The following HTR4 variants were observed in gnomAD, a reference collection of about 807,000 sequenced individuals.
The protein encoded by HTR4 is 5-hydroxytryptamine receptor 4, also known as 5-hydroxytryptamine (serotonin) receptor 4, G protein-coupled.
Under a neutral mutation model 36.8 loss-of-function variants are expected in HTR4, and 16 were observed. The observed-to-expected ratio is 0.43, with a 90% CI of 0.29 to 0.66. The LOEUF is 0.66. Among genes scored for constraint, HTR4 ranks in the 30% least tolerant of loss-of-function variants. The pLI is 0.13. For synonymous variants in HTR4, 189 were observed against 185.1 expected (o/e 1.02, Z -0.17); for missense variants, 438 against 490.9 (o/e 0.89, Z 1.02).
chr5:148,518,695 C>T (rs961343819), intron 5 of HTR4, among the ~76,000 whole-genome samples: 3 of 152,210 alleles, frequency 2.0e-5, no homozygotes, highest in African/African-American at 7.2e-5. Context: ...ACTTTTCTTA[C>T]CAATTTCCTC....
At chr5:148,483,735 C>T (rs943027714) in intron 6 of HTR4, among the ~76,000 whole-genome samples, 7 of 152,152 alleles carry the variant, frequency 4.6e-5, no homozygotes, top group African/African-American at 1.4e-4. Context: ...CACAAATTTT[C>T]GCAGGGAGCC....
chr5:148,465,936 A>G, intron 5 of HTR4: 1 of 1,612,514 alleles, frequency 6.2e-7, no homozygotes, highest in Non-Finnish European at 8.5e-7. Flanking sequence ...CTTTTAGTTG[A>G]AACAGAAAAC....
At chr5:148,567,533 C>G (rs757977045) in intron 2 of HTR4, among the ~76,000 whole-genome samples, 22 of 151,974 alleles carry the variant, frequency 1.4e-4, no homozygotes, top group Non-Finnish European at 2.6e-4. Flanking sequence ...TAGAATATAC[C>G]AGGATATAAG....
intron 2 of HTR4, among the ~76,000 whole-genome samples, chr5:148,625,886 CT>C (rs564951602): frequency 3.1e-3 from 445 of 141,828 alleles, no homozygotes; most frequent in Non-Finnish European, 2.9e-3. Context: ...GCTGCAAAGC[CT>C]TTTTTTTTTT....
At chr5:148,560,404 T>G (rs1273728904) in intron 2 of HTR4, among the ~76,000 whole-genome samples, 2 of 152,160 alleles carry the variant, frequency 1.3e-5, no homozygotes, top group Non-Finnish European at 2.9e-5. Context: ...GACCAAAATT[T>G]TACATTTTTA....
At chr5:148,571,597 A>T (rs1197371109) in intron 2 of HTR4, among the ~76,000 whole-genome samples, 8 of 152,038 alleles carry the variant, frequency 5.3e-5, no homozygotes, top group African/African-American at 1.7e-4. Context: ...GTAGCAGTTG[A>T]TCTGGGGTGA....
downstream of HTR4, among the ~76,000 whole-genome samples, chr5:148,477,952 C>G (rs372564760): frequency 7.2e-5 from 11 of 152,314 alleles, 1 homozygote; most frequent in African/African-American, 2.4e-4. Flanking sequence ...ACTACTTCAT[C>G]TAAAACACCC....
At chr5:148,652,257 C>T (rs1754062025) in intron 1 of HTR4, among the ~76,000 whole-genome samples, 1 of 152,066 alleles carries the variant, frequency 6.6e-6, no homozygotes. Flanking sequence ...GAGGGAAAAA[C>T]AGATAAAACC....
chr5:148,456,837 A>T (rs1755112956), intron 5 of HTR4, among the ~76,000 whole-genome samples: 1 of 152,250 alleles, frequency 6.6e-6, no homozygotes, highest in Non-Finnish European at 1.5e-5. Flanking sequence ...AAATGAGATA[A>T]TGCACATATA....
At chr5:148,553,899 G>T (rs1262958904) in intron 2 of HTR4, among the ~76,000 whole-genome samples, 1 of 152,192 alleles carries the variant, frequency 6.6e-6, no homozygotes, top group Admixed American at 6.5e-5. Context: ...AGAATTGAAA[G>T]CAGGGATACA....
chr5:148,585,819 T>C (rs2127252382), intron 2 of HTR4, among the ~76,000 whole-genome samples: 1 of 152,314 alleles, frequency 6.6e-6, no homozygotes, highest in Admixed American at 6.5e-5. Context: ...GAAAATCTGA[T>C]CCCTGAGTTT....
intron 1 of HTR4, among the ~76,000 whole-genome samples, chr5:148,653,492 T>C (rs1196595290): frequency 6.6e-6 from 1 of 152,096 alleles, no homozygotes; most frequent in East Asian, 1.9e-4. Flanking sequence ...TGGTTGCGAG[T>C]ACCGGCAGTG....
downstream of HTR4, among the ~76,000 whole-genome samples, chr5:148,475,678 C>T (rs1396728989): frequency 5.3e-5 from 8 of 152,176 alleles, no homozygotes; most frequent in Non-Finnish European, 1.0e-4. Context: ...ACCACTTCCC[C>T]GCTCCTGGTT....
intron 2 of HTR4, among the ~76,000 whole-genome samples, chr5:148,576,126 A>AAAAAAAAAAAAAAAAAAAG (rs1760902523): frequency 6.7e-6 from 1 of 149,292 alleles, no homozygotes; most frequent in Non-Finnish European, 1.5e-5. Context: ...AAAAAAAAAA[A>AAAAAAAAAAAAAAAAAAAG]AAAAAAACAA....
intron 2 of HTR4, among the ~76,000 whole-genome samples, chr5:148,557,822 C>T (rs985578290): frequency 1.3e-5 from 2 of 149,516 alleles, no homozygotes; most frequent in Admixed American, 6.7e-5. Context: ...ATTCTTGATA[C>T]TTCCCTGGAA....
intron 5 of HTR4, among the ~76,000 whole-genome samples, chr5:148,466,833 T>A (rs1005333855): frequency 6.6e-6 from 1 of 152,246 alleles, no homozygotes; most frequent in Non-Finnish European, 1.5e-5. Flanking sequence ...TCCAATTTTT[T>A]CTTCCTTCAA....
chr5:148,549,400 T>A (rs532196967), intron 3 of HTR4, among the ~76,000 whole-genome samples: 1 of 152,318 alleles, frequency 6.6e-6, no homozygotes, highest in South Asian at 2.1e-4. Context: ...TTTATTTGCA[T>A]CATCATTAGA....
chr5:148,509,219 G>T (rs959872879), intron 6 of HTR4: 5 of 443,336 alleles, frequency 1.1e-5, no homozygotes, highest in Non-Finnish European at 1.6e-5. Context: ...ATGTTTAAAC[G>T]ACCTGCCCAA....
chr5:148,652,881 A>G (rs1168455394), intron 1 of HTR4, among the ~76,000 whole-genome samples: 1 of 152,168 alleles, frequency 6.6e-6, no homozygotes, highest in Non-Finnish European at 1.5e-5. Flanking sequence ...TTTACTTTTT[A>G]CTAATTTTTT....
Sources: gnomAD v4.1 joint callset for allele counts (sites outside exome capture counted in the v4.1 genomes callset) on GRCh38, gnomAD v4.1.1 for gene constraint, MANE v1.5 for transcripts, NCBI Gene and HGNC (gene_info 2026-07-23, HGNC 2026-07-21) for gene names.